ZFPM2: variants seen among roughly 807,000 people sequenced by gnomAD.
ZFPM2 encodes the protein zinc finger protein ZFPM2.
ZFPM2 carries 20 observed loss-of-function variants against 98.6 expected under a neutral mutation model. The ratio of observed to expected loss-of-function variants is 0.20; its 90% confidence interval spans 0.14 to 0.29. The LOEUF (loss-of-function observed/expected upper bound fraction) is 0.29. Ranked by LOEUF, ZFPM2 falls within the 10% of genes least tolerant of loss-of-function variation. ZFPM2 has a pLI of 1.00. For synonymous variants in ZFPM2, 518 were observed against 502.7 expected, an observed-to-expected ratio of 1.03 and a Z score of -0.41; for missense variants, 1,310 against 1,388.6, an observed-to-expected ratio of 0.94 and a Z score of 0.90.
intron 5 of ZFPM2, among the ~76,000 whole-genome samples, chr8:105,740,182 A>T (rs751121005): frequency 5.3e-5 from 8 of 152,058 alleles, no homozygotes; most frequent in Non-Finnish European, 1.0e-4. Context: ...TGTGCCTCCT[A>T]CAGGTCTGTT....
chr8:105,507,276 G>GTA (rs1277134205), intron 3 of ZFPM2, among the ~76,000 whole-genome samples: 3 of 152,172 alleles, frequency 2.0e-5, no homozygotes, highest in Non-Finnish European at 2.9e-5. Flanking sequence ...CAGAGACTAA[G>GTA]AGTGATCTCA....
chr8:105,749,637 G>T (rs77511293), intron 5 of ZFPM2, among the ~76,000 whole-genome samples: 1 of 151,726 alleles, frequency 6.6e-6, no homozygotes, highest in Admixed American at 6.6e-5. Flanking sequence ...ATGACTGTTA[G>T]GTCATAACAA....
intron 1 of ZFPM2, among the ~76,000 whole-genome samples, chr8:105,391,264 T>C (rs1461032778): frequency 6.6e-6 from 1 of 152,214 alleles, no homozygotes; most frequent in East Asian, 1.9e-4. Context: ...ACTTAAAGTA[T>C]AATGAATAAA....
At chr8:105,337,583 C>T (rs1182720268) in intron 1 of ZFPM2, among the ~76,000 whole-genome samples, 1 of 151,706 alleles carries the variant, frequency 6.6e-6, no homozygotes, top group Admixed American at 6.6e-5. Context: ...TCATAGTTTA[C>T]ATTATGAATA....
At chr8:105,449,344 A>G (rs1812440635) in intron 3 of ZFPM2, among the ~76,000 whole-genome samples, 1 of 152,058 alleles carries the variant, frequency 6.6e-6, no homozygotes, top group Admixed American at 6.6e-5. Context: ...ATGCAGACAT[A>G]CACAGGTATA....
intron 1 of ZFPM2, among the ~76,000 whole-genome samples, chr8:105,323,823 C>CTT (rs988712405): frequency 1.7e-4 from 26 of 151,798 alleles, no homozygotes; most frequent in Admixed American, 3.9e-4. Context: ...ATTTTTATCT[C>CTT]TAATTGCTTA....
chr8:105,739,853 A>T (rs746692033), intron 5 of ZFPM2, among the ~76,000 whole-genome samples: 2 of 152,048 alleles, frequency 1.3e-5, no homozygotes, highest in South Asian at 2.1e-4. Flanking sequence ...AAGAAAAGCA[A>T]TGCCCATACA....
At chr8:105,670,803 T>TA (rs1420366347) in intron 5 of ZFPM2, among the ~76,000 whole-genome samples, 2 of 152,210 alleles carry the variant, frequency 1.3e-5, no homozygotes, top group African/African-American at 4.8e-5. Context: ...AGACTACCTT[T>TA]AAAACCCTTT....
At chr8:105,336,503 A>G (rs1040366397) in intron 1 of ZFPM2, among the ~76,000 whole-genome samples, 1 of 151,700 alleles carries the variant, frequency 6.6e-6, no homozygotes, top group Non-Finnish European at 1.5e-5. Context: ...TTTGGTAAAT[A>G]TTGTTTGTAG....
intron 5 of ZFPM2, among the ~76,000 whole-genome samples, chr8:105,650,553 T>C (rs1380022517): frequency 6.6e-6 from 1 of 152,224 alleles, no homozygotes; most frequent in Non-Finnish European, 1.5e-5. Flanking sequence ...TTTAAACGTG[T>C]CCCAGAGATT....
intron 4 of ZFPM2, among the ~76,000 whole-genome samples, chr8:105,583,803 A>G (rs1019371945): frequency 3.3e-5 from 5 of 152,024 alleles, no homozygotes; most frequent in Non-Finnish European, 5.9e-5. Context: ...GAAGTATTCC[A>G]CTCCAGTCAG....
rs1300738146 is a variant in ZFPM2, at chr8:105,802,299, A to G, written c.2217A>G (p.Arg739=). 6.2e-6 allele frequency: 10 copies of G among 1,613,856 alleles called. No individual in the cohort carries two copies. The East Asian group carries it at 2.0e-4, about 32-fold the overall frequency. The change falls in exon 8 of 8, where the codon AGA becomes AGG. Residue 739 remains arginine, a synonymous_variant. Coordinates refer to ENST00000407775, the MANE Select transcript of ZFPM2 (RefSeq NM_012082.4). ...GAACCATGCGCACACGCAAGCGCAG[A>G]AAGATGTATGAGATGTGCCTACCTG... ...MQRTMRTRKR[R]KMYEMCLPEQ... is the part of the protein sequence containing the mutation.
chr8:105,380,618 A>G lies in ZFPM2; in HGVS notation c.41-38526A>G, dbSNP rs569819387. Among the ~76,000 whole-genome samples the G allele has an allele frequency of 6.9e-5, 4 of 57,776 alleles. No homozygotes were observed. In the South Asian group the frequency reaches 1.8e-3, roughly 26 times the overall value. The allele number at this position is 57,776 out of a possible 152,430, so 37.9% of individuals were successfully genotyped here. A position where few individuals can be genotyped will look rare whatever the true frequency, so the allele number is the denominator to read the frequency against. The stretch of plus-strand genomic sequence containing the variant: ...TATATATATTATATATATATATATT[A>G]TATATAACATATATATTATATATAT... On this transcript the variant is annotated intron_variant, in intron 1 of 7. Coordinates refer to ENST00000407775, the MANE Select transcript of ZFPM2 (RefSeq NM_012082.4).
intron 1 of ZFPM2, among the ~76,000 whole-genome samples, chr8:105,376,578 A>C (rs1810728036): frequency 6.6e-6 from 1 of 152,212 alleles, no homozygotes; most frequent in African/African-American, 2.4e-5. Flanking sequence ...GTGTCTCACA[A>C]ATCTGTTCCT....
chr8:105,574,286 A>G (rs1168145190), intron 4 of ZFPM2, among the ~76,000 whole-genome samples: 1 of 152,218 alleles, frequency 6.6e-6, no homozygotes. Context: ...TGCATTTATC[A>G]TCTAAGCAGA....
intron 4 of ZFPM2, among the ~76,000 whole-genome samples, chr8:105,565,672 T>C (rs1815229205): frequency 6.6e-6 from 1 of 152,216 alleles, no homozygotes; most frequent in Admixed American, 6.5e-5. Flanking sequence ...AGATAGCATA[T>C]GTGAGTTATC....
intron 5 of ZFPM2, among the ~76,000 whole-genome samples, chr8:105,673,813 C>A (rs757199871): frequency 1.3e-5 from 2 of 152,108 alleles, no homozygotes; most frequent in Non-Finnish European, 2.9e-5. Flanking sequence ...TGTATGACAA[C>A]TGTTGTGTCA....
At chr8:105,338,296 C>A (rs968382490) in intron 1 of ZFPM2, among the ~76,000 whole-genome samples, 38 of 151,698 alleles carry the variant, frequency 2.5e-4, no homozygotes, top group African/African-American at 8.7e-4. Flanking sequence ...ATATTAAATT[C>A]TTTTTATTCT....
At chr8:105,608,527 T>A (rs1402099938) in intron 4 of ZFPM2, among the ~76,000 whole-genome samples, 3 of 151,104 alleles carry the variant, frequency 2.0e-5, no homozygotes, top group East Asian at 3.9e-4. Context: ...TAATGCCATA[T>A]GTAAAAGTTG....
Sources: gnomAD v4.1 joint callset for allele counts (sites outside exome capture counted in the v4.1 genomes callset) on GRCh38, gnomAD v4.1.1 for gene constraint, MANE v1.5 for transcripts, NCBI Gene and HGNC (gene_info 2026-07-23, HGNC 2026-07-21) for gene names.